Variants in SHPRH observed in about 807,000 individuals in gnomAD.
SHPRH encodes the protein SNF2 histone linker PHD RING helicase.
In SHPRH, 106 loss-of-function variants were observed where a neutral mutation model predicts 202.5. The observed-to-expected ratio is 0.52, with a 90% CI of 0.45 to 0.62. SHPRH has a LOEUF of 0.62. Ranked by LOEUF, SHPRH falls within the 20% of genes least tolerant of loss-of-function variation. The probability of loss-of-function intolerance (pLI) is 0.00; values close to 1 mark genes in which losing one functional copy is unlikely to be tolerated. For synonymous variants in SHPRH, 729 were observed against 686.0 expected, an observed-to-expected ratio of 1.06 and a Z score of -0.98; for missense variants, 1,710 against 2,020.0, an observed-to-expected ratio of 0.85 and a Z score of 2.94.
At chr6:145,924,697 C>G (rs942213054) in intron 17 of SHPRH, 42 bp downstream of exon 17, 7 of 1,566,360 alleles carry the variant, frequency 4.5e-6, no homozygotes, top group Non-Finnish European at 6.1e-6. Flanking sequence ...AAAATGATAT[C>G]TGGAGGCAAA....
Position 145,926,238 on chromosome 6 carries a change from G to A in SHPRH, c.3260C>T (p.Pro1087Leu). Residue 1087 changes from proline (P) to leucine (L), a missense_variant, in exon 16 of 30, where the codon CCA (proline) becomes CTA (leucine). Around this residue, in one of 8 missense-constraint regions of SHPRH, gnomAD observed 288 missense variants for 317.8 expected, o/e 0.91. Transcript: ENST00000275233. Reference protein sequence around the residue: ...ELLIARHPGIPPTLRDGRLEE... With the variant: ...ELLIARHPGILPTLRDGRLEE... The stretch of plus-strand genomic sequence containing the variant: ...AAGTCGGCCATCACGCAAGGTAGGT[G>A]GTATCCCTGGGTGCCTGGCTATCAA... 1 of 1,612,914 alleles carries A rather than the reference G, an allele frequency of 6.2e-7. No homozygotes were observed. The highest frequency in any genetic ancestry group is 1.3e-5 in the African/African-American group (1 of 74,942).
At chr6:145,910,667 T>G (rs1286962598) in intron 24 of SHPRH, 31 bp from the exon 25 acceptor site, 1 of 1,502,266 alleles carries the variant, frequency 6.7e-7, no homozygotes, top group African/African-American at 1.4e-5. Flanking sequence ...GCCTTAGTGC[T>G]ATCAAAGATG....
intron 17 of SHPRH, 98 bp downstream of exon 17, chr6:145,924,641 A>G (rs1171250011): frequency 6.3e-6 from 6 of 950,058 alleles, no homozygotes; most frequent in Non-Finnish European, 9.9e-6. Flanking sequence ...AGGATTTCAA[A>G]ATGTATAAGA....
intron 17 of SHPRH, 136 bp from the exon 18 acceptor site, chr6:145,923,921 G>T: frequency 1.3e-6 from 1 of 796,114 alleles, no homozygotes; most frequent in South Asian, 2.5e-5. Context: ...ACAGAGGGGA[G>T]ACGAGTATAC....
intron 23 of SHPRH, 70 bp from the exon 24 acceptor site, chr6:145,913,619 A>T: frequency 7.6e-7 from 1 of 1,323,798 alleles, no homozygotes; most frequent in Non-Finnish European, 1.0e-6. Context: ...ATGTTTTGCA[A>T]CTCATTTATG....
intron 1 of SHPRH, among the ~76,000 whole-genome samples, chr6:145,958,147 CA>C (rs1189767547): frequency 3.3e-5 from 5 of 151,940 alleles, no homozygotes; most frequent in African/African-American, 9.7e-5. Flanking sequence ...GAGTGGTTAC[CA>C]GGGGCAAGGA....
rs1784977151 is a variant in SHPRH, at chr6:145,927,386, A to G, written c.3113-109T>C. On this transcript the variant is annotated intron_variant, in intron 14 of 29. Coordinates refer to ENST00000275233, the MANE Select transcript of SHPRH (RefSeq NM_001042683.3). ...ACTGTAAAAATAAAATGTAATGATT[A>G]TAACTTTTTTTAAGTAAAGAAATTT... 6 of 1,034,174 alleles carry G rather than the reference A, an allele frequency of 5.8e-6. No homozygotes were observed. The South Asian group carries it at 1.0e-4, about 17-fold the overall frequency. 64.1% of individuals were successfully genotyped at this position (1,034,174 alleles called of 1,614,324 possible). A position where few individuals can be genotyped will look rare whatever the true frequency, so the allele number is the denominator to read the frequency against.
intron 9 of SHPRH, among the ~76,000 whole-genome samples, chr6:145,942,178 T>G (rs545177278): frequency 6.6e-6 from 1 of 152,140 alleles, no homozygotes; most frequent in Admixed American, 6.6e-5. Context: ...AAGGTTCTCA[T>G]AGGTGGCAAA....
chr6:145,907,515 A>AAATGTT (rs973174646), intron 25 of SHPRH: 2 of 152,232 alleles, frequency 1.3e-5, no homozygotes, highest in African/African-American at 4.8e-5. Context: ...TAAAATTCTC[A>AAATGTT]AATGTTCAGG....
intron 29 of SHPRH, 53 bp from the exon 30 acceptor site, chr6:145,886,840 G>A (rs773235306): frequency 1.9e-5 from 30 of 1,572,588 alleles, no homozygotes; most frequent in Admixed American, 3.8e-5. Flanking sequence ...AGCCATCAGC[G>A]ATTATATTTG....
chr6:145,898,419 A>C (rs951401670), intron 25 of SHPRH, among the ~76,000 whole-genome samples: 1 of 151,260 alleles, frequency 6.6e-6, no homozygotes, highest in Non-Finnish European at 1.5e-5. Context: ...TATAGACTCA[A>C]TGCAATCCCT....
At chr6:145,860,345 G>T (rs1472247068), downstream of SHPRH, among the ~76,000 whole-genome samples, 1 of 151,852 alleles carries the variant, frequency 6.6e-6, no homozygotes, top group Non-Finnish European at 1.5e-5. Flanking sequence ...AATTTGTTGT[G>T]TTTCTACACA....
chr6:145,873,795 G>A (rs886851931), intron 2 of SHPRH, among the ~76,000 whole-genome samples: 3 of 152,160 alleles, frequency 2.0e-5, no homozygotes, highest in Non-Finnish European at 2.9e-5. Flanking sequence ...CCAGCCTCTA[G>A]AAGCCAGAGG....
chr6:145,884,405 T>A (rs1026965564), downstream of SHPRH: 11 of 152,304 alleles, frequency 7.2e-5, no homozygotes, highest in Non-Finnish European at 1.3e-4. Flanking sequence ...AGTGAACTCA[T>A]CTGGAATCAT....
At chr6:145,923,528 G>A (rs565804762) in intron 18 of SHPRH, 115 bp downstream of exon 18, 612 of 1,296,458 alleles carry the variant, frequency 4.7e-4, no homozygotes, top group Non-Finnish European at 5.9e-4. Context: ...TGTCTGTATA[G>A]GTTTATGAAT....
chr6:145,945,498 C>A lies in SHPRH; in HGVS notation c.1461G>T (p.Leu487=), dbSNP rs1787271627. The change falls in exon 8 of 30, where the codon CTG becomes CTT. Residue 487 remains leucine (L), a synonymous_variant. Transcript: ENST00000275233. ...CGAGACCTTCAAAAATTAAACATTT[C>A]AGCATCCGTTTCAAAAGACTCCTGT... ...QRNRSLLKRM[L]KCLIFEGLVK... The A allele has an allele frequency of 6.8e-6, 11 of 1,613,320 alleles. No individual in the cohort carries two copies. Among genetic ancestry groups the A allele is most frequent in the Non-Finnish European group, 9.3e-6 (11 of 1,179,582 alleles).
rs1554238734 is a variant in SHPRH at position 145,933,156 on chromosome 6, G to A, written c.3013C>T (p.Leu1005=). The change falls in exon 14 of 30, where the codon CTG becomes TTG. Residue 1005 remains leucine, a synonymous_variant. Transcript: ENST00000275233. ...CCACATTTCTTCTGCAAAGATGTCAGCAGCTCTTCCATTGTCATGGTGCTA... is the reference window on the plus strand; with the variant it reads ...CCACATTTCTTCTGCAAAGATGTCAACAGCTCTTCCATTGTCATGGTGCTA... ...QKSTMTMEEL[L]TSLQKKCGTE... 4 of 1,613,888 alleles carry A rather than the reference G, an allele frequency of 2.5e-6. No individual in the cohort carries two copies. Among genetic ancestry groups the A allele is most frequent in the Non-Finnish European group, 3.4e-6 (4 of 1,179,894 alleles).
intron 21 of SHPRH, 39 bp from the exon 22 acceptor site, chr6:145,919,530 GTAAT>G: frequency 6.2e-7 from 1 of 1,603,522 alleles, no homozygotes; most frequent in Non-Finnish European, 8.5e-7. Context: ...GGTAAAGCAT[GTAAT>G]TAAAACTGGT....
intron 7 of SHPRH, 111 bp from the exon 8 acceptor site, chr6:145,945,748 A>C (rs1386610385): frequency 8.5e-7 from 1 of 1,180,372 alleles, no homozygotes; most frequent in Admixed American, 3.3e-5. Flanking sequence ...AAATAAATCA[A>C]AGATTTATTA....
Sources: allele counts gnomAD v4.1 joint callset (sites outside exome capture counted in the v4.1 genomes callset), GRCh38; gene constraint gnomAD v4.1.1; regional missense constraint gnomAD v4.1.1; transcripts MANE v1.5; gene names NCBI Gene and HGNC (gene_info 2026-07-23, HGNC 2026-07-21).